Variants in DPH3 observed in about 807,000 individuals in gnomAD.
The protein encoded by DPH3 is diphthamide biosynthesis protein 3.
In DPH3, 8 loss-of-function variants were observed where a neutral mutation model predicts 10.2. That is an observed-to-expected ratio of 0.79 (90% CI 0.46 to 1.42). The LOEUF is 1.42. Ranked by LOEUF, DPH3 falls within the 40% of genes most tolerant of loss-of-function variation. The pLI is 0.00. For missense variants in DPH3, 96 were observed against 98.9 expected (o/e 0.97, Z 0.12); for synonymous variants, 35 against 35.6 (o/e 0.98, Z 0.06).
At position 16,261,966 on chromosome 3, in the gene DPH3, C is replaced by T. The variant is rs1420226125; in HGVS notation, c.184-1137G>A. Among the ~76,000 whole-genome samples, 1 of 148,738 alleles carries T rather than the reference C, an allele frequency of 6.7e-6. No individual in the cohort carries two copies. The highest frequency in any genetic ancestry group is 2.5e-5 in the African/African-American group (1 of 39,926). On this transcript the variant is annotated intron_variant, in intron 2 of 2. Coordinates refer to ENST00000488423, the MANE Select transcript of DPH3 (RefSeq NM_206831.3). This position sits in a 1 kb window ranked among gnomAD's most constrained non-coding sequence, Gnocchi z 7.1. The stretch of plus-strand genomic sequence containing the variant: ...ACCTCCACCATATTCATCCTACCAC[C>T]CTTTCACTGCCCCTCACTCCCTTCA...
Position 16,260,734 on chromosome 3 carries a change from T to C in DPH3, c.*30A>G, listed in dbSNP as rs372816785. The C allele has an allele frequency of 1.8e-5, 29 of 1,595,928 alleles. No homozygotes were observed. The African/African-American group carries it at 3.6e-4, about 20-fold the overall frequency. On this transcript the variant is annotated 3_prime_UTR_variant, in exon 3 of 3. Coordinates refer to ENST00000488423, the MANE Select transcript of DPH3 (RefSeq NM_206831.3). ...TATTTCTATCTGGGCTCATTCCAAA[T>C]GTTCAGGATTTGGATTCCTGAAGGC... is the stretch of plus-strand genomic sequence containing the variant.
Position 16,264,774 on chromosome 3 carries a change from T to C in DPH3, c.103A>G (p.Thr35Ala). ...PCPCGDNFSITKEDLENGEDV... is the reference protein window; with the variant it reads ...PCPCGDNFSIAKEDLENGEDV... ...GGGCGGGACCCTGAAGTTACCTTGG[T>C]GATGGAGAAGTTATCTCCACATGGG... is the stretch of plus-strand genomic sequence containing the variant. Residue 35 changes from threonine (T) to alanine (A), a missense_variant, in exon 1 of 3, where the codon ACC (threonine) becomes GCC (alanine). Thr to Ala is a moderately conservative substitution (Grantham distance 58, BLOSUM62 0). Transcript: ENST00000488423. 1 of 1,614,058 alleles carries C rather than the reference T, an allele frequency of 6.2e-7. No individual in the cohort carries two copies. The highest frequency in any genetic ancestry group is 8.5e-7 in the Non-Finnish European group (1 of 1,179,936).
rs369325077 is a variant in DPH3 at position 16,262,658 on chromosome 3, T to C, written c.183+1497A>G. On this transcript the variant is annotated intron_variant, in intron 2 of 2. Coordinates refer to ENST00000488423, the MANE Select transcript of DPH3 (RefSeq NM_206831.3). This position sits in a 1 kb window ranked among gnomAD's most constrained non-coding sequence, Gnocchi z 4.7. ...TTACTGATAACTCCCAAATTGACAT[T>C]GCTAGCCAATCTCTCTCATGAACGC... Among the ~76,000 whole-genome samples the C allele has an allele frequency of 5.9e-5, 9 of 152,178 alleles. No individual in the cohort carries two copies. The South Asian group carries it at 1.4e-3, about 25-fold the overall frequency.
rs781412737 is a variant in DPH3, at chr3:16,262,209, C to T, written c.184-1380G>A. On this transcript the variant is annotated intron_variant, in intron 2 of 2. Coordinates refer to ENST00000488423, the MANE Select transcript of DPH3 (RefSeq NM_206831.3). The surrounding 1 kb of genome is among the most constrained non-coding windows in gnomAD (Gnocchi z 4.7). ...CTGTGCTCTCCTTTGCAGCAAACTC[C>T]TTAAAAGAAATGCCTATACTCACTG... 1.7e-4 allele frequency among the ~76,000 whole-genome samples: 26 copies of T among 152,224 alleles called. No homozygotes were observed. Among genetic ancestry groups the T allele is most frequent in the Admixed American group, 1.6e-3 (24 of 15,278 alleles).
In DPH3 at chr3:16,257,521, G is replaced by A. The variant is rs1316606171; in HGVS notation, c.*3243C>T. 6.6e-6 allele frequency among the ~76,000 whole-genome samples: 1 copy of A among 152,164 alleles called. No individual in the cohort carries two copies. Among genetic ancestry groups the A allele is most frequent in the Non-Finnish European group, 1.5e-5 (1 of 68,034 alleles). On this transcript the variant is annotated 3_prime_UTR_variant, in exon 3 of 3. Transcript: ENST00000488423. ...GCACATGACAGCTATTTTTCTAATTGCAGAATGAATGGGTTCACACAGCAA... is the reference window on the plus strand; with the variant it reads ...GCACATGACAGCTATTTTTCTAATTACAGAATGAATGGGTTCACACAGCAA...
rs1234591345 is a variant in DPH3, at chr3:16,258,527, C to G, written c.*2237G>C. On this transcript the variant is annotated 3_prime_UTR_variant, in exon 3 of 3. Transcript: ENST00000488423. ...TTAGGCATGAGGTCTTGCCCTGTCA[C>G]ACAGGCTGGAACGCAGTGGTGTGAT... 1 of 152,280 alleles carries G rather than the reference C, an allele frequency of 6.6e-6. No homozygotes were observed. The highest frequency in any genetic ancestry group is 1.5e-5 in the Non-Finnish European group (1 of 68,086). The allele number at this position is 152,280 out of a possible 1,614,324, so 9.4% of individuals were successfully genotyped here. A position where few individuals can be genotyped will look rare whatever the true frequency, so the allele number is the denominator to read the frequency against.
At position 16,258,690 on chromosome 3, in the gene DPH3, T is replaced by G. The variant is rs1267589161; in HGVS notation, c.*2074A>C. Reference sequence around the variant, plus strand: ...CTAGTCTTGAACTCCTGGCCTCACATGATCCTCCTGCCTTAGCTTCCTGAG... The same window carrying G: ...CTAGTCTTGAACTCCTGGCCTCACAGGATCCTCCTGCCTTAGCTTCCTGAG... On this transcript the variant is annotated 3_prime_UTR_variant, in exon 3 of 3. Coordinates refer to ENST00000488423, the MANE Select transcript of DPH3 (RefSeq NM_206831.3). The G allele has an allele frequency of 6.6e-6, 1 of 152,252 alleles. No individual in the cohort carries two copies. Among genetic ancestry groups the G allele is most frequent in the Non-Finnish European group, 1.5e-5 (1 of 68,070 alleles). 9.4% of individuals were successfully genotyped at this position (152,252 alleles called of 1,614,324 possible). A position where few individuals can be genotyped will look rare whatever the true frequency, so the allele number is the denominator to read the frequency against.
At position 16,259,350 on chromosome 3, in the gene DPH3, A is replaced by T. The variant is rs937996635; in HGVS notation, c.*1414T>A. On this transcript the variant is annotated 3_prime_UTR_variant, in exon 3 of 3. Coordinates refer to ENST00000488423, the MANE Select transcript of DPH3 (RefSeq NM_206831.3). The stretch of plus-strand genomic sequence containing the variant: ...CTCAGCCTAGTGGCTGCACACAGCC[A>T]TGCTGCTGGCAGGTAAAAAAGGCTA... The T allele has an allele frequency of 5.3e-5, 8 of 152,246 alleles. No homozygotes were observed. Among genetic ancestry groups the T allele is most frequent in the African/African-American group, 1.9e-4 (8 of 41,470 alleles). The allele number at this position is 152,246 out of a possible 1,614,324, so 9.4% of individuals were successfully genotyped here. A position where few individuals can be genotyped will look rare whatever the true frequency, so the allele number is the denominator to read the frequency against.
chr3:16,264,102 C>T lies in DPH3; in HGVS notation c.183+53G>A, dbSNP rs1343973269. On this transcript the variant is annotated intron_variant, in intron 2 of 2. Coordinates refer to ENST00000488423, the MANE Select transcript of DPH3 (RefSeq NM_206831.3). ...TCATCACTGACAAGCTGATCTAAGT[C>T]CTTGCCACTGACTTACAATACCCTT... The T allele has an allele frequency of 6.8e-6, 9 of 1,325,184 alleles. No homozygotes were observed. In the African/African-American group the frequency reaches 1.2e-4, roughly 17 times the overall value. The allele number at this position is 1,325,184 out of a possible 1,614,324, so 82.1% of individuals were successfully genotyped here. A position where few individuals can be genotyped will look rare whatever the true frequency, so the allele number is the denominator to read the frequency against.
rs1236028375 is a variant in DPH3 at position 16,262,694 on chromosome 3, T to C, written c.183+1461A>G. On this transcript the variant is annotated intron_variant, in intron 2 of 2. Coordinates refer to ENST00000488423, the MANE Select transcript of DPH3 (RefSeq NM_206831.3). The surrounding 1 kb of genome is among the most constrained non-coding windows in gnomAD (Gnocchi z 4.7). ...CTCTCTCATGAACGCCAGACATGCA[T>C]ATCCAATTGCCTTCTCAACAGCTCA... 6.6e-6 allele frequency among the ~76,000 whole-genome samples: 1 copy of C among 152,188 alleles called. No homozygotes were observed. The highest frequency in any genetic ancestry group is 2.4e-5 in the African/African-American group (1 of 41,436).
chr3:16,264,795 A>G lies in DPH3; in HGVS notation c.82T>C (p.Cys28Arg), dbSNP rs747313966. 7 of 1,614,224 alleles carry G rather than the reference A, an allele frequency of 4.3e-6. No individual in the cohort carries two copies. Among genetic ancestry groups the G allele is most frequent in the Non-Finnish European group, 5.1e-6 (6 of 1,180,030 alleles). ...DSETYFYPCPCGDNFSITKED... is the reference protein window; with the variant it reads ...DSETYFYPCPRGDNFSITKED... Reference sequence around the variant, plus strand: ...TTGGTGATGGAGAAGTTATCTCCACATGGGCAGGGATAGAAATACGTCTCC... The same window carrying G: ...TTGGTGATGGAGAAGTTATCTCCACGTGGGCAGGGATAGAAATACGTCTCC... Residue 28 changes from cysteine (C) to arginine (R), a missense_variant, in exon 1 of 3, where the codon TGT becomes CGT. Coordinates refer to ENST00000488423, the MANE Select transcript of DPH3 (RefSeq NM_206831.3).
In DPH3 at chr3:16,260,505, T is replaced by G; in HGVS notation, c.*259A>C. 2.5e-6 allele frequency: 1 copy of G among 402,234 alleles called. No individual in the cohort carries two copies. The highest frequency in any genetic ancestry group is 2.0e-5 in the African/African-American group (1 of 49,840). 24.9% of individuals were successfully genotyped at this position (402,234 alleles called of 1,614,324 possible). Reference sequence around the variant, plus strand: ...GATGAAACCAAGGGAAAGAAAGCACTGTTTTGAAATTATCTTCTTTTAAAT... The same window carrying G: ...GATGAAACCAAGGGAAAGAAAGCACGGTTTTGAAATTATCTTCTTTTAAAT... On this transcript the variant is annotated 3_prime_UTR_variant, in exon 3 of 3. Coordinates refer to ENST00000488423, the MANE Select transcript of DPH3 (RefSeq NM_206831.3).
rs1189274445 is a variant in DPH3, at chr3:16,264,144, A to G, written c.183+11T>C. The G allele has an allele frequency of 1.3e-6, 2 of 1,599,020 alleles. No individual in the cohort carries two copies. The highest frequency in any genetic ancestry group is 1.7e-6 in the Non-Finnish European group (2 of 1,169,328). ...AATACCCTTCCCCCGTTTTAAAATT[A>G]TATCCCTTACTTTGTCATAAATCAC... On this transcript the variant is annotated intron_variant, in intron 2 of 2. Transcript: ENST00000488423.
chr3:16,264,930 G>C lies in DPH3; in HGVS notation c.-54C>G. 1 of 1,597,232 alleles carries C rather than the reference G, an allele frequency of 6.3e-7. No individual in the cohort carries two copies. Among genetic ancestry groups the C allele is most frequent in the Non-Finnish European group, 8.6e-7 (1 of 1,167,534 alleles). ...GCCCCAGCAGTCCGAGGCCAGCTCC[G>C]AGGGTTTAACTTCGCCGGAACCGGC... On this transcript the variant is annotated 5_prime_UTR_variant, in exon 1 of 3. Coordinates refer to ENST00000488423, the MANE Select transcript of DPH3 (RefSeq NM_206831.3).
At position 16,260,452 on chromosome 3, in the gene DPH3, G is replaced by T; in HGVS notation, c.*312C>A. The T allele has an allele frequency of 3.7e-6, 1 of 266,668 alleles. No individual in the cohort carries two copies. The allele number at this position is 266,668 out of a possible 1,614,324, so 16.5% of individuals were successfully genotyped here. A position where few individuals can be genotyped will look rare whatever the true frequency, so the allele number is the denominator to read the frequency against. The stretch of plus-strand genomic sequence containing the variant: ...GTAGATGATGCTGTTGTCAGATACC[G>T]AAGTAATTTGGTTTAAGATATGAAA... On this transcript the variant is annotated 3_prime_UTR_variant, in exon 3 of 3. Coordinates refer to ENST00000488423, the MANE Select transcript of DPH3 (RefSeq NM_206831.3).
At position 16,263,194 on chromosome 3, in the gene DPH3, C is replaced by A. The variant is rs1232696751; in HGVS notation, c.183+961G>T. On this transcript the variant is annotated intron_variant, in intron 2 of 2. Coordinates refer to ENST00000488423, the MANE Select transcript of DPH3 (RefSeq NM_206831.3). The surrounding 1 kb of genome is among the most constrained non-coding windows in gnomAD (Gnocchi z 4.0). ...CTCTCATCCTGCTCTGCTCTGGTCA[C>A]ACTGGCCTCCTTTTTGTTCCTTGAT... Among the ~76,000 whole-genome samples the A allele has an allele frequency of 6.6e-6, 1 of 152,210 alleles. No individual in the cohort carries two copies. Among genetic ancestry groups the A allele is most frequent in the Non-Finnish European group, 1.5e-5 (1 of 68,040 alleles).
rs1467278880 is a variant in DPH3, at chr3:16,257,103, CT to C, written c.*3660del. Among the ~76,000 whole-genome samples the C allele has an allele frequency of 6.6e-6, 1 of 152,216 alleles. No homozygotes were observed. The highest frequency in any genetic ancestry group is 2.4e-5 in the African/African-American group (1 of 41,446). On this transcript the variant is annotated 3_prime_UTR_variant, in exon 3 of 3. Coordinates refer to ENST00000488423, the MANE Select transcript of DPH3 (RefSeq NM_206831.3). ...CTTTATTCTTGATAAATTATCCAGT[CT>C]CAGGTATTGTTACAGCAGCAGAACA... is the stretch of plus-strand genomic sequence containing the variant.
Position 16,260,190 on chromosome 3 carries a change from C to A in DPH3, c.*574G>T, listed in dbSNP as rs2064283590. 1 of 152,364 alleles carries A rather than the reference C, an allele frequency of 6.6e-6. No homozygotes were observed. Among genetic ancestry groups the A allele is most frequent in the Admixed American group, 6.5e-5 (1 of 15,300 alleles). The allele number at this position is 152,364 out of a possible 1,614,324, so 9.4% of individuals were successfully genotyped here. A position where few individuals can be genotyped will look rare whatever the true frequency, so the allele number is the denominator to read the frequency against. ...TTCTCTTTAATACTATGACCAAACTCTCTGCATGAAGCATTACAGAAATGA... is the reference window on the plus strand; with the variant it reads ...TTCTCTTTAATACTATGACCAAACTATCTGCATGAAGCATTACAGAAATGA... On this transcript the variant is annotated 3_prime_UTR_variant, in exon 3 of 3. Transcript: ENST00000488423.
chr3:16,264,699 T>C, intron 1 of DPH3, 70 bp downstream of exon 1: 1 of 1,455,584 alleles, frequency 6.9e-7, no homozygotes, highest in Non-Finnish European at 9.5e-7. Context: ...GGCTACCCAA[T>C]GATGGAAGGA....
Sources: allele counts gnomAD v4.1 joint callset (sites outside exome capture counted in the v4.1 genomes callset), GRCh38; gene constraint gnomAD v4.1.1; non-coding constraint Gnocchi (gnomAD v3.1); transcripts MANE v1.5; gene names NCBI Gene and HGNC (gene_info 2026-07-23, HGNC 2026-07-21).